The following LCORL variants were observed in gnomAD, a reference collection of about 807,000 sequenced individuals.
LCORL encodes ligand dependent nuclear receptor corepressor like.
A neutral mutation model predicts 141.8 loss-of-function variants in LCORL; 41 were observed. That is an observed-to-expected ratio of 0.29 (90% CI 0.23 to 0.38). The LOEUF is 0.38. LCORL is among the 10% of genes least tolerant of loss of function. LCORL has a pLI of 1.00. For missense variants in LCORL, 1,759 were observed against 2,035.0 expected (o/e 0.86, Z 2.61); for synonymous variants, 618 against 694.1 (o/e 0.89, Z 1.72).
chr4:17,923,944 A>G (rs1734702727), intron 4 of LCORL, among the ~76,000 whole-genome samples: 1 of 151,818 alleles, frequency 6.6e-6, no homozygotes, highest in South Asian at 2.1e-4. Flanking sequence ...TTCCCTTCCA[A>G]GTCTAGGAAG....
intron 4 of LCORL, among the ~76,000 whole-genome samples, chr4:17,956,003 T>C (rs933153385): frequency 6.6e-6 from 1 of 151,946 alleles, no homozygotes; most frequent in Admixed American, 6.6e-5. Flanking sequence ...ATGACCTGAA[T>C]AGACATTTCG....
At chr4:18,006,020 T>C (rs1722749244) in intron 1 of LCORL, among the ~76,000 whole-genome samples, 1 of 152,182 alleles carries the variant, frequency 6.6e-6, no homozygotes, top group African/African-American at 2.4e-5. Flanking sequence ...ATTGCCAGAC[T>C]GCAAAATTTC....
intron 6 of LCORL, 67 bp from the exon 7 acceptor site, chr4:17,878,280 AAC>A (rs1727123124): frequency 2.8e-6 from 3 of 1,090,654 alleles, no homozygotes; most frequent in Non-Finnish European, 3.5e-6. Flanking sequence ...TTATAATTTT[AAC>A]AGTGTTTGAA....
intron 4 of LCORL, among the ~76,000 whole-genome samples, chr4:17,961,180 C>A (rs1258779458): frequency 6.6e-6 from 1 of 152,026 alleles, no homozygotes; most frequent in African/African-American, 2.4e-5. Flanking sequence ...CCTAAACATG[C>A]ACCATAACTT....
chr4:17,894,527 AAC>A lies in LCORL; in HGVS notation c.683-8368_683-8367del, dbSNP rs1431839696. ...CGCTAAAAATGTTAATGTTCATAAA[AAC>A]ACTTATGAAAAACGTTTTCAAGATG... On this transcript the variant is annotated intron_variant, in intron 5 of 7. Coordinates refer to ENST00000635767, the Ensembl canonical transcript of LCORL. Among the ~76,000 whole-genome samples, 4 of 152,330 alleles carry A rather than the reference AAC, an allele frequency of 2.6e-5. No individual in the cohort carries two copies. In the East Asian group the frequency reaches 5.8e-4, roughly 22 times the overall value.
intron 4 of LCORL, among the ~76,000 whole-genome samples, chr4:17,954,161 TCAAAAACAAACAAA>T (rs1165797308): frequency 7.9e-5 from 12 of 152,104 alleles, no homozygotes; most frequent in South Asian, 4.2e-4. Flanking sequence ...AGACTCCATC[TCAAAAACAAACAAA>T]CAAAAACAAA....
At chr4:17,980,062 C>T (rs116028816) in intron 1 of LCORL, among the ~76,000 whole-genome samples, 2,274 of 152,232 alleles carry the variant, frequency 0.015, 53 homozygotes, top group African/African-American at 0.048. Context: ...TAAAGGAAGA[C>T]GGCCCTGCCT....
chr4:17,914,548 G>A (rs991128749), intron 4 of LCORL, among the ~76,000 whole-genome samples: 11 of 152,184 alleles, frequency 7.2e-5, no homozygotes, highest in African/African-American at 2.7e-4. Flanking sequence ...GCAAAAGAGA[G>A]GGAGCAAAAC....
At chr4:17,973,955 T>C (rs1462580105) in intron 1 of LCORL, among the ~76,000 whole-genome samples, 1 of 151,974 alleles carries the variant, frequency 6.6e-6, no homozygotes, top group Admixed American at 6.6e-5. Context: ...TGATACTTGG[T>C]AAATATGTAA....
chr4:17,901,329 T>A (rs1470111486), intron 5 of LCORL, among the ~76,000 whole-genome samples: 3 of 150,496 alleles, frequency 2.0e-5, no homozygotes, highest in African/African-American at 7.3e-5. Context: ...ACCAAACAGA[T>A]AATTATGTAC....
chr4:17,874,834 C>T, exon 7 of LCORL: 1 of 1,233,646 alleles, frequency 8.1e-7, no homozygotes, highest in Non-Finnish European at 1.0e-6. Flanking sequence ...CTTGGGGTAT[C>T]TTTGTAAGCT....
At chr4:17,984,715 T>C (rs1409771426) in intron 1 of LCORL, among the ~76,000 whole-genome samples, 1 of 152,142 alleles carries the variant, frequency 6.6e-6, no homozygotes, top group Non-Finnish European at 1.5e-5. Context: ...AAGCAACTCC[T>C]GAATTCGTTG....
chr4:17,863,582 G>T (rs747721922), intron 7 of LCORL, among the ~76,000 whole-genome samples: 1 of 152,200 alleles, frequency 6.6e-6, no homozygotes, highest in African/African-American at 2.4e-5. Flanking sequence ...GGAAAGCAAT[G>T]TGGTGATTTA....
chr4:17,957,481 A>T (rs1269232891), intron 4 of LCORL, among the ~76,000 whole-genome samples: 1 of 151,988 alleles, frequency 6.6e-6, no homozygotes, highest in Non-Finnish European at 1.5e-5. Flanking sequence ...CAAAGTAGAA[A>T]GAATTTGGGT....
intron 4 of LCORL, chr4:17,912,542 A>G: frequency 4.2e-6 from 2 of 471,752 alleles, no homozygotes; most frequent in Non-Finnish European, 8.3e-6. Flanking sequence ...CACAGTCATC[A>G]CCACACAGTC....
At chr4:17,962,161 G>C in intron 3 of LCORL, 129 bp from the exon 4 acceptor site, 1 of 464,170 alleles carries the variant, frequency 2.2e-6, no homozygotes, top group Non-Finnish European at 3.7e-6. Context: ...TATCAAATTA[G>C]ATAGAGGGAA....
intron 4 of LCORL, among the ~76,000 whole-genome samples, chr4:17,952,414 AT>A (rs60765138): frequency 0.11 from 15,602 of 135,768 alleles, 1,498 homozygotes; most frequent in African/African-American, 0.3. Context: ...CTCAAAAACA[AT>A]TTTTTTTTTT....
At chr4:17,920,725 G>A (rs941381910) in intron 4 of LCORL, among the ~76,000 whole-genome samples, 1 of 152,190 alleles carries the variant, frequency 6.6e-6, no homozygotes. Flanking sequence ...TTTCAACAAT[G>A]CTCACAGCAT....
At chr4:17,997,155 T>A (rs189595689) in intron 1 of LCORL, among the ~76,000 whole-genome samples, 49 of 152,298 alleles carry the variant, frequency 3.2e-4, no homozygotes, top group Admixed American at 2.1e-3. Flanking sequence ...AACCGAACAA[T>A]TACCTAACCA....
Sources: allele counts gnomAD v4.1 joint callset (sites outside exome capture counted in the v4.1 genomes callset), GRCh38; gene constraint gnomAD v4.1.1; transcripts MANE v1.5; gene names NCBI Gene and HGNC (gene_info 2026-07-23, HGNC 2026-07-21).